NTN1: variants seen among roughly 807,000 people sequenced by gnomAD.
The protein encoded by NTN1 is netrin-1.
NTN1 carries 11 observed loss-of-function variants against 54.2 expected under a neutral mutation model. The ratio of observed to expected loss-of-function variants is 0.20; its 90% CI spans 0.13 to 0.34. The LOEUF (loss-of-function observed/expected upper bound fraction) is 0.34. NTN1 is among the 10% of genes least tolerant of loss of function. The probability of loss-of-function intolerance (pLI) is 1.00; values close to 1 mark genes in which losing one functional copy is unlikely to be tolerated. For missense variants in NTN1, 740 were observed against 893.1 expected, an observed-to-expected ratio of 0.83 and a Z score of 2.18; for synonymous variants, 371 against 382.0, an observed-to-expected ratio of 0.97 and a Z score of 0.33.
intron 5 of NTN1, among the ~76,000 whole-genome samples, chr17:9,194,351 G>T (rs1402449586): frequency 6.6e-6 from 1 of 152,244 alleles, no homozygotes; most frequent in African/African-American, 2.4e-5. Context: ...GATGGAAAGT[G>T]TTCCCTGTGT....
chr17:9,098,836 T>A (rs2092140296), intron 2 of NTN1, among the ~76,000 whole-genome samples: 1 of 152,232 alleles, frequency 6.6e-6, no homozygotes, highest in Non-Finnish European at 1.5e-5. Flanking sequence ...ACTCATTTTC[T>A]TTCTGACTCC....
In NTN1 at chr17:9,243,656, T is replaced by C. The variant is rs774809122; in HGVS notation, c.*3688T>C. 2.6e-5 allele frequency: 4 copies of C among 152,082 alleles called. No homozygotes were observed. The highest frequency in any genetic ancestry group is 4.8e-5 in the African/African-American group (2 of 41,388). 9.4% of individuals were successfully genotyped at this position (152,082 alleles called of 1,614,324 possible). On this transcript the variant is annotated 3_prime_UTR_variant, in exon 7 of 7. Coordinates refer to ENST00000173229, the MANE Select transcript of NTN1 (RefSeq NM_004822.3). ...AGCCAAACCAGTCCCACTCCTGTCA[T>C]TGGACGTTTCTTCCCATTCCCTCCT...
chr17:9,145,939 AG>A (rs1344473610), intron 2 of NTN1, among the ~76,000 whole-genome samples: 1 of 139,694 alleles, frequency 7.2e-6, no homozygotes, highest in Non-Finnish European at 1.5e-5. Flanking sequence ...AAAAAAAAAA[AG>A]TGTGGGGTAT....
intron 3 of NTN1, among the ~76,000 whole-genome samples, chr17:9,170,861 GACAC>G (rs35971543): frequency 0.34 from 50,558 of 150,382 alleles, 8,849 homozygotes; most frequent in East Asian, 0.5. Flanking sequence ...AAGCTCTTGT[GACAC>G]ACACACACAC....
At chr17:9,187,570 G>A (rs1029066049) in intron 5 of NTN1, among the ~76,000 whole-genome samples, 4 of 151,268 alleles carry the variant, frequency 2.6e-5, no homozygotes, top group African/African-American at 7.3e-5. Flanking sequence ...CAACCACCTC[G>A]GGAGGCTGAG....
chr17:9,110,315 G>GC (rs1196560042), intron 2 of NTN1, among the ~76,000 whole-genome samples: 3 of 151,558 alleles, frequency 2.0e-5, no homozygotes, highest in Admixed American at 2.0e-4. Context: ...TGTCGTCTAG[G>GC]CTGGAGTGCA....
At chr17:9,234,454 G>A (rs940900844) in intron 6 of NTN1, among the ~76,000 whole-genome samples, 1 of 152,222 alleles carries the variant, frequency 6.6e-6, no homozygotes, top group Non-Finnish European at 1.5e-5. Flanking sequence ...ACTCCTGGCT[G>A]CCCTGGAACT....
rs1303168629 is a variant in NTN1 at position 9,242,498 on chromosome 17, G to T, written c.*2530G>T. The T allele has an allele frequency of 6.6e-6, 1 of 152,434 alleles. No homozygotes were observed. The highest frequency in any genetic ancestry group is 1.9e-4 in the East Asian group (1 of 5,180). 9.4% of individuals were successfully genotyped at this position (152,434 alleles called of 1,614,324 possible). A position where few individuals can be genotyped will look rare whatever the true frequency, so the allele number is the denominator to read the frequency against. On this transcript the variant is annotated 3_prime_UTR_variant, in exon 7 of 7. Coordinates refer to ENST00000173229, the MANE Select transcript of NTN1 (RefSeq NM_004822.3). Reference sequence around the variant, plus strand: ...CCCACCCTGGGTCTGGGTCTCACGGGTGTCCTGTGAGGGGCTTGCATTTGT... The same window carrying T: ...CCCACCCTGGGTCTGGGTCTCACGGTTGTCCTGTGAGGGGCTTGCATTTGT...
chr17:9,162,791 C>T, intron 2 of NTN1, 22 bp from the exon 3 acceptor site: 1 of 1,591,088 alleles, frequency 6.3e-7, no homozygotes, highest in South Asian at 1.1e-5. Flanking sequence ...CGGCTGACAC[C>T]TCTCTCTGTC....
chr17:9,035,469 T>C (rs1198133350), intron 2 of NTN1, among the ~76,000 whole-genome samples: 1 of 152,228 alleles, frequency 6.6e-6, no homozygotes. Context: ...AGCACTGCTG[T>C]GACCATACTT....
intron 2 of NTN1, among the ~76,000 whole-genome samples, chr17:9,041,221 A>G (rs142952971): frequency 2.0e-5 from 3 of 152,240 alleles, no homozygotes; most frequent in Non-Finnish European, 2.9e-5. Flanking sequence ...TTCACATGTC[A>G]TACAATTCAC....
chr17:9,179,705 C>G (rs78529706), intron 3 of NTN1, 102 bp from the exon 4 acceptor site: 26,613 of 1,415,970 alleles, frequency 0.019, 965 homozygotes, highest in African/African-American at 0.15. Context: ...GCTCTTCCTC[C>G]AGGGCAGGGT....
At chr17:9,091,799 C>T (rs958306113) in intron 2 of NTN1, among the ~76,000 whole-genome samples, 1 of 152,024 alleles carries the variant, frequency 6.6e-6, no homozygotes, top group African/African-American at 2.4e-5. Context: ...GAAGTACATT[C>T]ACCATCATCA....
At chr17:9,048,994 C>T (rs1251177393) in intron 2 of NTN1, among the ~76,000 whole-genome samples, 2 of 152,182 alleles carry the variant, frequency 1.3e-5, no homozygotes, top group Non-Finnish European at 2.9e-5. Context: ...TAGCCTTTTC[C>T]TGGCTTAATG....
intron 5 of NTN1, among the ~76,000 whole-genome samples, chr17:9,208,972 C>T (rs1905033755): frequency 1.3e-5 from 2 of 152,256 alleles, no homozygotes; most frequent in South Asian, 4.1e-4. Flanking sequence ...GGATCTGGCC[C>T]TGCCTTTCCC....
intron 2 of NTN1, among the ~76,000 whole-genome samples, chr17:9,096,539 T>G (rs925064364): frequency 2.0e-5 from 3 of 151,794 alleles, no homozygotes; most frequent in Non-Finnish European, 4.4e-5. Flanking sequence ...CCCAACTAAT[T>G]TTTTTGTATT....
intron 2 of NTN1, among the ~76,000 whole-genome samples, chr17:9,114,647 G>T (rs2092204664): frequency 2.0e-5 from 3 of 152,066 alleles, no homozygotes; most frequent in African/African-American, 7.2e-5. Flanking sequence ...CAGCTACTTG[G>T]GAGGCTAAGG....
upstream of NTN1, among the ~76,000 whole-genome samples, chr17:9,019,134 T>C (rs1224697287): frequency 6.6e-6 from 1 of 152,188 alleles, no homozygotes; most frequent in African/African-American, 2.4e-5. Context: ...CAGGGTGCAT[T>C]GGACCTGTAT....
rs555031285 is a variant in NTN1 at position 9,060,578 on chromosome 17, C to A, written c.1018+37187C>A. On this transcript the variant is annotated intron_variant, in intron 2 of 6. Transcript: ENST00000173229. Reference sequence around the variant, plus strand: ...AGTTGAGGACGGCCATGGTAACTGTCAAATGAATGGTTTTAACATTGGGCT... The same window carrying A: ...AGTTGAGGACGGCCATGGTAACTGTAAAATGAATGGTTTTAACATTGGGCT... Among the ~76,000 whole-genome samples, 104 of 152,206 alleles carry A rather than the reference C, an allele frequency of 6.8e-4. 1 individual carries two copies. Among genetic ancestry groups the A allele is most frequent in the African/African-American group, 2.3e-3 (96 of 41,530 alleles).
Sources: allele counts gnomAD v4.1 joint callset (sites outside exome capture counted in the v4.1 genomes callset), GRCh38; gene constraint gnomAD v4.1.1; transcripts MANE v1.5; gene names NCBI Gene and HGNC (gene_info 2026-07-23, HGNC 2026-07-21).